Variants in TOPBP1 observed in about 807,000 individuals in gnomAD.
The protein encoded by TOPBP1 is DNA topoisomerase II binding protein 1, also known as DNA topoisomerase 2-binding protein 1.
In TOPBP1, 28 loss-of-function variants were observed where a neutral mutation model predicts 167.7. The ratio of observed to expected loss-of-function variants is 0.17; its 90% confidence interval spans 0.12 to 0.23. TOPBP1 has a LOEUF of 0.23. TOPBP1 is among the 10% of genes least tolerant of loss of function. The probability of loss-of-function intolerance (pLI) is 1.00; values close to 1 mark genes in which losing one functional copy is unlikely to be tolerated. For synonymous variants in TOPBP1, 598 were observed against 611.4 expected (o/e 0.98, Z 0.32); for missense variants, 1,554 against 1,809.6 (o/e 0.86, Z 2.56).
chr3:133,649,771 GA>G lies in TOPBP1; in HGVS notation c.1253+8del, dbSNP rs1457643989. On this transcript the variant is annotated splice_region_variant and intron_variant, in intron 9 of 27. Transcript: ENST00000260810. ...GTAGAAATTGCTTTGAATTAAAAAC[GA>G]AAAAAACCTGTGGGCTGATTTATTC... 25 of 1,583,182 alleles carry G rather than the reference GA, an allele frequency of 1.6e-5. No homozygotes were observed. The highest frequency in any genetic ancestry group is 2.0e-5 in the Admixed American group (1 of 50,796).
rs1344977949 is a variant in TOPBP1, at chr3:133,601,041, T to C, written c.*209A>G. On this transcript the variant is annotated 3_prime_UTR_variant, in exon 28 of 28. Transcript: ENST00000260810. Reference sequence around the variant, plus strand: ...TAGCTGAGGAGTTGTATTTTGTTGTTATTTCAGGTAACTTTTTATTAAGAA... The same window carrying C: ...TAGCTGAGGAGTTGTATTTTGTTGTCATTTCAGGTAACTTTTTATTAAGAA... 2.7e-6 allele frequency: 1 copy of C among 375,970 alleles called. No homozygotes were observed. Among genetic ancestry groups the C allele is most frequent in the African/African-American group, 2.2e-5 (1 of 46,438 alleles). The allele number at this position is 375,970 out of a possible 1,614,324, so 23.3% of individuals were successfully genotyped here.
At chr3:133,640,244 A>C in intron 12 of TOPBP1, 74 bp from the exon 13 acceptor site, 1 of 1,278,496 alleles carries the variant, frequency 7.8e-7, no homozygotes, top group East Asian at 2.5e-5. Context: ...AATTTCCAAC[A>C]CAACAGTGTG....
intron 4 of TOPBP1, among the ~76,000 whole-genome samples, chr3:133,657,112 T>A (rs1237996303): frequency 6.6e-6 from 1 of 151,590 alleles, no homozygotes; most frequent in African/African-American, 2.4e-5. Flanking sequence ...GATGTATAAA[T>A]CTTAATCTTT....
chr3:133,602,751 T>C (rs1934348288), intron 27 of TOPBP1, among the ~76,000 whole-genome samples: 1 of 152,224 alleles, frequency 6.6e-6, no homozygotes, highest in Non-Finnish European at 1.5e-5. Context: ...TGAATGAGTA[T>C]GGCTGTTTTC....
intron 10 of TOPBP1, among the ~76,000 whole-genome samples, chr3:133,644,725 G>A (rs763883659): frequency 1.3e-5 from 2 of 152,174 alleles, no homozygotes; most frequent in Non-Finnish European, 2.9e-5. Context: ...AAATTAACAA[G>A]TCTAAATGGT....
chr3:133,613,167 A>C (rs753999035), intron 23 of TOPBP1, among the ~76,000 whole-genome samples: 10 of 152,176 alleles, frequency 6.6e-5, no homozygotes, highest in Admixed American at 2.6e-4. Flanking sequence ...GGTCCTGCTT[A>C]ACTATTTTAA....
At chr3:133,615,473 T>C (rs1934839273) in intron 23 of TOPBP1, among the ~76,000 whole-genome samples, 1 of 152,142 alleles carries the variant, frequency 6.6e-6, no homozygotes, top group South Asian at 2.1e-4. Context: ...CAAGACTCTG[T>C]CTCAAAACAA....
chr3:133,621,061 G>A (rs1935074875), intron 19 of TOPBP1, among the ~76,000 whole-genome samples: 1 of 152,050 alleles, frequency 6.6e-6, no homozygotes, highest in Non-Finnish European at 1.5e-5. Context: ...GCCCAGGCTG[G>A]ACTGCAGTGG....
chr3:133,645,337 T>A (rs896905004), intron 10 of TOPBP1, among the ~76,000 whole-genome samples: 1 of 152,298 alleles, frequency 6.6e-6, no homozygotes, highest in Middle Eastern at 3.4e-3. Context: ...GAGAGCTGGG[T>A]TCTAGTTTTA....
chr3:133,633,540 C>T lies in TOPBP1; in HGVS notation c.2520+4336G>A, dbSNP rs542841672. On this transcript the variant is annotated intron_variant, in intron 14 of 27. Coordinates refer to ENST00000260810, the MANE Select transcript of TOPBP1 (RefSeq NM_007027.4). ...ACGTGGTGGCTCACACCTATAACCC[C>T]AACACTTTGGGAGGCCAAGGCAGGA... 1.8e-4 allele frequency among the ~76,000 whole-genome samples: 27 copies of T among 152,288 alleles called. No individual in the cohort carries two copies. In the South Asian group the frequency reaches 4.8e-3, roughly 27 times the overall value.
chr3:133,612,361 A>G, intron 24 of TOPBP1, 28 bp downstream of exon 24: 4 of 1,611,316 alleles, frequency 2.5e-6, no homozygotes, highest in Non-Finnish European at 3.4e-6. Context: ...TTAAAGAAAA[A>G]TAAACTTCCA....
chr3:133,648,166 G>A (rs768220805), intron 10 of TOPBP1, among the ~76,000 whole-genome samples: 3 of 152,128 alleles, frequency 2.0e-5, no homozygotes, highest in Non-Finnish European at 4.4e-5. Context: ...CAGCAGTCAG[G>A]GAAATAGATG....
chr3:133,637,934 T>A lies in TOPBP1; in HGVS notation c.2462A>T (p.Asp821Val). The A allele has an allele frequency of 2.5e-6, 4 of 1,613,966 alleles. No homozygotes were observed. Among genetic ancestry groups the A allele is most frequent in the Non-Finnish European group, 3.4e-6 (4 of 1,179,860 alleles). Reference protein sequence around the residue: ...PLQKEPSLHLDTPSKFLSKDK... With the variant: ...PLQKEPSLHLVTPSKFLSKDK... ...CTTGGACAGGAATTTTGATGGTGTATCCAGGTGTAACGAGGGCTCCTTCTG... is the reference window on the plus strand; with the variant it reads ...CTTGGACAGGAATTTTGATGGTGTAACCAGGTGTAACGAGGGCTCCTTCTG... The change falls in exon 14 of 28, where the codon GAT (aspartate) becomes GTT (valine). Residue 821 changes from aspartate to valine, a missense_variant. Transcript: ENST00000260810.
At position 133,601,193 on chromosome 3, in the gene TOPBP1, T is replaced by C; in HGVS notation, c.*57A>G. 6.8e-7 allele frequency: 1 copy of C among 1,472,904 alleles called. No homozygotes were observed. 91.2% of individuals were successfully genotyped at this position (1,472,904 alleles called of 1,614,324 possible). A position where few individuals can be genotyped will look rare whatever the true frequency, so the allele number is the denominator to read the frequency against. ...ACTACCCAAATCTATCACAGTCACA[T>C]TCAGGCTTTCAATTTTTAAAAACAT... is the stretch of plus-strand genomic sequence containing the variant. On this transcript the variant is annotated 3_prime_UTR_variant, in exon 28 of 28. Coordinates refer to ENST00000260810, the MANE Select transcript of TOPBP1 (RefSeq NM_007027.4).
In TOPBP1 at chr3:133,656,777, T is replaced by C; in HGVS notation, c.444A>G (p.Ala148=). The C allele has an allele frequency of 6.2e-7, 1 of 1,613,164 alleles. No homozygotes were observed. The highest frequency in any genetic ancestry group is 8.5e-7 in the Non-Finnish European group (1 of 1,179,610). Residue 148 remains alanine (A), a synonymous_variant, in exon 5 of 28, where the codon GCA becomes GCG. Transcript: ENST00000260810. ...AATATTTTTTGCTACCAACTTCTCCTGCAATAAGGTGAGTTACTGATACAT... is the reference window on the plus strand; with the variant it reads ...AATATTTTTTGCTACCAACTTCTCCCGCAATAAGGTGAGTTACTGATACAT... ...DLNVSVTHLI[A]GEVGSKKYLV... is the part of the protein sequence containing the mutation.
intron 10 of TOPBP1, among the ~76,000 whole-genome samples, chr3:133,647,062 A>G (rs1301864378): frequency 6.6e-6 from 1 of 152,204 alleles, no homozygotes; most frequent in East Asian, 1.9e-4. Flanking sequence ...TTAGAGGTGA[A>G]GGAGAGTATA....
At chr3:133,610,137 A>G (rs918545638) in intron 25 of TOPBP1, among the ~76,000 whole-genome samples, 2 of 152,170 alleles carry the variant, frequency 1.3e-5, no homozygotes, top group African/African-American at 4.8e-5. Context: ...CTTCTGGCCA[A>G]GTGTCTGTGA....
chr3:133,609,611 C>G (rs913589752), intron 25 of TOPBP1, among the ~76,000 whole-genome samples: 4 of 152,152 alleles, frequency 2.6e-5, no homozygotes, highest in African/African-American at 9.7e-5. Flanking sequence ...TCATGCTGTT[C>G]TCCTGATAGT....
intron 16 of TOPBP1, 69 bp from the exon 17 acceptor site, chr3:133,624,244 T>A (rs1408937251): frequency 6.5e-7 from 1 of 1,549,164 alleles, no homozygotes; most frequent in Admixed American, 1.7e-5. Flanking sequence ...ATGATTCTTA[T>A]TTACTGTGAA....
Sources: allele counts gnomAD v4.1 joint callset (sites outside exome capture counted in the v4.1 genomes callset), GRCh38; gene constraint gnomAD v4.1.1; transcripts MANE v1.5; gene names NCBI Gene and HGNC (gene_info 2026-07-23, HGNC 2026-07-21).